Variants in ASXL3 observed in about 807,000 individuals in gnomAD.
The protein encoded by ASXL3 is putative Polycomb group protein ASXL3.
A neutral mutation model predicts 170.6 loss-of-function variants in ASXL3; 34 were observed. The observed-to-expected ratio is 0.20, with a 90% CI of 0.15 to 0.27. ASXL3 has a LOEUF of 0.27. ASXL3 is among the 10% of genes least tolerant of loss of function. The pLI, the probability that ASXL3 is intolerant of heterozygous loss-of-function variation, is 1.00. For missense variants in ASXL3, 2,592 were observed against 2,695.3 expected (o/e 0.96, Z 0.85); for synonymous variants, 1,002 against 989.1 (o/e 1.01, Z -0.24).
intron 8 of ASXL3, among the ~76,000 whole-genome samples, chr18:33,720,269 T>TG (rs1213062008): frequency 6.6e-6 from 1 of 151,544 alleles, no homozygotes; most frequent in African/African-American, 2.4e-5. Context: ...ACATAGTAGA[T>TG]GCTGTGAAAT....
intron 1 of ASXL3, among the ~76,000 whole-genome samples, chr18:33,605,920 G>T (rs147349356): frequency 1.3e-5 from 2 of 151,798 alleles, no homozygotes; most frequent in African/African-American, 4.8e-5. Flanking sequence ...TTTTATGAGA[G>T]ACCCGTTGCC....
In ASXL3 at chr18:33,738,822, T is replaced by G. The variant is rs375833448; in HGVS notation, c.1418T>G (p.Ile473Arg). Residue 473 changes from isoleucine to arginine, a missense_variant, in exon 11 of 12, where the codon ATA becomes AGA. This residue lies in a region of ASXL3 where 2,246 missense variants were observed against 2,219.6 expected (regional missense o/e 1.01). Transcript: ENST00000269197. ...CECQDENHKTIPEFSEEAESL... is the reference protein window; with the variant it reads ...CECQDENHKTRPEFSEEAESL... ...TGCCAGGATGAAAATCATAAGACAA[T>G]ACCTGAATTTTCTGAGGAGGCTGAA... 14 of 1,613,442 alleles carry G rather than the reference T, an allele frequency of 8.7e-6. No individual in the cohort carries two copies. In the African/African-American group the frequency reaches 1.7e-4, roughly 20 times the overall value.
At chr18:33,707,431 C>G (rs1426017646) in intron 8 of ASXL3, among the ~76,000 whole-genome samples, 1 of 151,856 alleles carries the variant, frequency 6.6e-6, no homozygotes, top group African/African-American at 2.4e-5. Context: ...GGTAGTACAT[C>G]ATTTGATCAA....
intron 2 of ASXL3, among the ~76,000 whole-genome samples, chr18:33,628,179 A>T (rs2145166165): frequency 6.6e-6 from 1 of 152,192 alleles, no homozygotes; most frequent in South Asian, 2.1e-4. Flanking sequence ...CAGATGAGGA[A>T]ATTGGTGCTG....
At chr18:33,737,909 T>C (rs538647792) in intron 10 of ASXL3, among the ~76,000 whole-genome samples, 21 of 152,266 alleles carry the variant, frequency 1.4e-4, no homozygotes, top group African/African-American at 4.6e-4. Context: ...TTTTCTATTA[T>C]AAGAGCATCT....
At chr18:33,622,086 C>T (rs1208975481) in intron 2 of ASXL3, among the ~76,000 whole-genome samples, 1 of 151,844 alleles carries the variant, frequency 6.6e-6, no homozygotes, top group Non-Finnish European at 1.5e-5. Flanking sequence ...TTTCATTTAC[C>T]GATTATTTTT....
At chr18:33,626,316 A>G (rs1479417978) in intron 2 of ASXL3, among the ~76,000 whole-genome samples, 1 of 152,046 alleles carries the variant, frequency 6.6e-6, no homozygotes, top group African/African-American at 2.4e-5. Context: ...TGTTCCTTCT[A>G]AGGTTCCTGG....
intron 5 of ASXL3, among the ~76,000 whole-genome samples, chr18:33,666,355 A>T (rs2066255871): frequency 6.6e-6 from 1 of 152,162 alleles, no homozygotes; most frequent in Non-Finnish European, 1.5e-5. Context: ...CACATTATAG[A>T]CAAACCAACA....
chr18:33,628,489 G>A (rs6507051), intron 2 of ASXL3, among the ~76,000 whole-genome samples: 60,248 of 151,972 alleles, frequency 0.4, 12,737 homozygotes, highest in Non-Finnish European at 0.48. Flanking sequence ...GTGATAAAAG[G>A]AACAATTTTA....
chr18:33,655,444 G>A (rs959892809), intron 4 of ASXL3, among the ~76,000 whole-genome samples: 1 of 151,872 alleles, frequency 6.6e-6, no homozygotes, highest in Admixed American at 6.6e-5. Flanking sequence ...AAAAATTGCT[G>A]TTTCCATTAT....
chr18:33,663,246 C>A (rs2066205347), intron 5 of ASXL3, among the ~76,000 whole-genome samples: 1 of 151,982 alleles, frequency 6.6e-6, no homozygotes, highest in Non-Finnish European at 1.5e-5. Context: ...ACAAAAGATA[C>A]AAAAATGGAC....
At chr18:33,586,462 TTTC>T (rs2065035591) in intron 1 of ASXL3, among the ~76,000 whole-genome samples, 1 of 152,088 alleles carries the variant, frequency 6.6e-6, no homozygotes, top group Admixed American at 6.6e-5. Flanking sequence ...TTGTAATATT[TTTC>T]TTCTTCATTT....
At chr18:33,742,851 G>A (rs1430953659) in intron 11 of ASXL3, 37 bp from the exon 12 acceptor site, 2 of 1,550,286 alleles carry the variant, frequency 1.3e-6, no homozygotes, top group Admixed American at 2.0e-5. Flanking sequence ...GATCATGTAT[G>A]AAGCACATTA....
chr18:33,740,186 G>A lies in ASXL3; in HGVS notation c.2782G>A (p.Gly928Arg), dbSNP rs1368263033. The A allele has an allele frequency of 9.3e-6, 15 of 1,613,844 alleles. No individual in the cohort carries two copies. The East Asian group carries it at 1.3e-4, about 14-fold the overall frequency. The change falls in exon 11 of 12, where the codon GGG becomes AGG. Residue 928 changes from glycine to arginine, a missense_variant. Transcript: ENST00000269197. ...CTCTAGAAATAAAACACATAAGCAA[G>A]GGAGTACACAGAGTCGGTTAGAAAC... The part of the protein sequence containing the change: ...EGSRNKTHKQ[G>R]STQSRLETSH...
chr18:33,579,674 T>C (rs534542176), intron 1 of ASXL3, among the ~76,000 whole-genome samples: 1 of 152,298 alleles, frequency 6.6e-6, no homozygotes, highest in Admixed American at 6.5e-5. Flanking sequence ...AAAGGATATT[T>C]CTGTACAGTG....
At chr18:33,604,990 T>C (rs997576317) in intron 1 of ASXL3, among the ~76,000 whole-genome samples, 8 of 151,998 alleles carry the variant, frequency 5.3e-5, no homozygotes, top group African/African-American at 1.9e-4. Context: ...TACTTGTAGG[T>C]ATTTGCATGC....
chr18:33,667,071 G>GTT (rs1350301626), intron 5 of ASXL3, among the ~76,000 whole-genome samples: 1 of 152,142 alleles, frequency 6.6e-6, no homozygotes, highest in Non-Finnish European at 1.5e-5. Context: ...AGAGAGCGTG[G>GTT]TTTATGTCAG....
At chr18:33,697,628 T>A (rs2066793505) in intron 8 of ASXL3, among the ~76,000 whole-genome samples, 1 of 152,110 alleles carries the variant, frequency 6.6e-6, no homozygotes, top group Admixed American at 6.6e-5. Context: ...TGGCCCTGTA[T>A]GAGCACAGGA....
chr18:33,721,889 G>A lies in ASXL3; in HGVS notation c.880-10079G>A, dbSNP rs62092433. On this transcript the variant is annotated intron_variant, in intron 8 of 11. Transcript: ENST00000269197. ...TTCCAACAGCATGTGTTCATTGTGT[G>A]TGTCTGTGTCACATTTTGGTAATTC... Among the ~76,000 whole-genome samples, 204 of 152,012 alleles carry A rather than the reference G, an allele frequency of 1.3e-3. 1 individual carries two copies. Among genetic ancestry groups the A allele is most frequent in the Non-Finnish European group, 2.0e-3 (134 of 67,928 alleles).
Sources: allele counts gnomAD v4.1 joint callset (sites outside exome capture counted in the v4.1 genomes callset), GRCh38; gene constraint gnomAD v4.1.1; regional missense constraint gnomAD v4.1.1; transcripts MANE v1.5; gene names NCBI Gene and HGNC (gene_info 2026-07-23, HGNC 2026-07-21).